TAF6: variants seen among roughly 807,000 people sequenced by gnomAD.
TAF6 encodes the protein TATA-box binding protein associated factor 6.
Under a neutral mutation model 73.5 loss-of-function variants are expected in TAF6, and 50 were observed. The observed-to-expected ratio is 0.68, with a 90% CI of 0.54 to 0.86. The LOEUF is 0.86. Ranked by LOEUF, TAF6 falls within the 40% of genes least tolerant of loss-of-function variation. TAF6 has a pLI of 0.00. For missense variants in TAF6, 768 were observed against 899.5 expected, an observed-to-expected ratio of 0.85 and a Z score of 1.87; for synonymous variants, 424 against 376.7, an observed-to-expected ratio of 1.13 and a Z score of -1.45.
Position 100,113,781 on chromosome 7 carries a change from G to GA in TAF6, c.244-13dup, listed in dbSNP as rs1434683294. 3.1e-6 allele frequency: 5 copies of GA among 1,613,852 alleles called. No homozygotes were observed. Among genetic ancestry groups the GA allele is most frequent in the Non-Finnish European group, 4.2e-6 (5 of 1,179,882 alleles). On this transcript the variant is annotated splice_polypyrimidine_tract_variant and intron_variant, in intron 3 of 14. Coordinates refer to ENST00000453269, the MANE Select transcript of TAF6 (RefSeq NM_139315.3). Reference sequence around the variant, plus strand: ...AAGCCATAGAGTGGCTGTGGCAGGAGAGAGGGGCATGGGTAAGAAGGGAGC... The same window carrying GA: ...AAGCCATAGAGTGGCTGTGGCAGGAGAAGAGGGGCATGGGTAAGAAGGGAGC...
intron 2 of TAF6, 46 bp from the exon 3 acceptor site, chr7:100,114,000 G>T: frequency 6.2e-7 from 1 of 1,614,090 alleles, no homozygotes. Flanking sequence ...TCCTAAGGAC[G>T]GGGCCCTGGG....
At chr7:100,126,484 C>G in the TAF6 span, among the ~76,000 whole-genome samples, 1 of 152,108 alleles carries the variant, frequency 6.6e-6, no homozygotes, top group Admixed American at 6.5e-5. Flanking sequence ...GCCTGGGCGA[C>G]AGGGCGAGAC....
In TAF6 at chr7:100,109,858, G is replaced by C. The variant is rs1797002007; in HGVS notation, c.1284+90C>G. 7.1e-6 allele frequency: 11 copies of C among 1,550,984 alleles called. No individual in the cohort carries two copies. The South Asian group carries it at 1.3e-4, about 19-fold the overall frequency. On this transcript the variant is annotated intron_variant, in intron 12 of 14. Coordinates refer to ENST00000453269, the MANE Select transcript of TAF6 (RefSeq NM_139315.3). ...ATGTCCTCTGAAAACATGAGGCAAA[G>C]ATGGGAGTAAGTGAATAAAATATGC...
At chr7:100,119,606 G>C (rs996525387), upstream of TAF6, 7 of 1,554,306 alleles carry the variant, frequency 4.5e-6, no homozygotes, top group Non-Finnish European at 6.1e-6. Flanking sequence ...CCCCACCCTT[G>C]TTGGGCTGAT....
In TAF6 at chr7:100,108,139, G is replaced by A. The variant is rs1554383985; in HGVS notation, c.1459-16C>T. 3.8e-6 allele frequency: 6 copies of A among 1,581,384 alleles called. No homozygotes were observed. The East Asian group carries it at 1.1e-4, about 30-fold the overall frequency. On this transcript the variant is annotated splice_polypyrimidine_tract_variant and intron_variant, in intron 13 of 14. Coordinates refer to ENST00000453269, the MANE Select transcript of TAF6 (RefSeq NM_139315.3). ...TGGGCCGGGGCTGCGGGGAGAAGAG[G>A]AAAGGGGGAAGTGGCACCATCTACT...
chr7:100,115,516 G>A (rs1490133754), intron 1 of TAF6: 1 of 152,176 alleles, frequency 6.6e-6, no homozygotes, highest in African/African-American at 2.4e-5. Flanking sequence ...ACAAAAATTA[G>A]CTGGGCATGG....
chr7:100,114,486 G>A (rs1797511813), intron 1 of TAF6: 5 of 610,788 alleles, frequency 8.2e-6, no homozygotes, highest in African/African-American at 5.5e-5. Flanking sequence ...TTGGGAGGAC[G>A]AGGCGGGCGG....
upstream of TAF6, chr7:100,119,635 T>G: frequency 1.1e-5 from 18 of 1,600,740 alleles, no homozygotes; most frequent in Non-Finnish European, 1.5e-5. Flanking sequence ...TGCGCCGACC[T>G]TCCTCGGCTG....
intron 10 of TAF6, 32 bp from the exon 11 acceptor site, chr7:100,110,306 G>A: frequency 1.2e-6 from 2 of 1,611,142 alleles, no homozygotes; most frequent in Non-Finnish European, 1.7e-6. Flanking sequence ...CTAAGATGAA[G>A]GGGTCTGAAA....
In TAF6 at chr7:100,117,236, C is replaced by A. The variant is rs562181347; in HGVS notation, c.-60+1968G>T. Among the ~76,000 whole-genome samples the A allele has an allele frequency of 1.6e-3, 249 of 151,252 alleles. 2 individuals carry two copies. Among genetic ancestry groups the A allele is most frequent in the African/African-American group, 5.8e-3 (239 of 41,256 alleles). On this transcript the variant is annotated intron_variant, in intron 1 of 14. Coordinates refer to ENST00000453269, the MANE Select transcript of TAF6 (RefSeq NM_139315.3). ...ACTCCAGCCTGGCAACAGAGTGAGA[C>A]CCCGTCTCCGTCCACCATCTAGACA...
intron 4 of TAF6, 86 bp downstream of exon 4, chr7:100,113,530 T>A (rs1295028629): frequency 1.3e-6 from 2 of 1,555,190 alleles, no homozygotes; most frequent in Non-Finnish European, 1.7e-6. Context: ...ACACTGAGCT[T>A]TTCTTCTATT....
In TAF6 at chr7:100,119,319, C is replaced by G; in HGVS notation, c.-175G>C. 9.7e-7 allele frequency: 1 copy of G among 1,032,444 alleles called. No individual in the cohort carries two copies. The highest frequency in any genetic ancestry group is 1.2e-6 in the Non-Finnish European group (1 of 857,972). The allele number at this position is 1,032,444 out of a possible 1,614,324, so 64.0% of individuals were successfully genotyped here. A position where few individuals can be genotyped will look rare whatever the true frequency, so the allele number is the denominator to read the frequency against. ...AGGAAAACTCTAGCGGCAGCCGAGA[C>G]GCTGCTCACCCGGCGCTCGGCGCCA... On this transcript the variant is annotated 5_prime_UTR_variant, in exon 1 of 15. Transcript: ENST00000453269.
chr7:100,117,402 G>A (rs1403807595), intron 1 of TAF6, among the ~76,000 whole-genome samples: 1 of 151,014 alleles, frequency 6.6e-6, no homozygotes, highest in Admixed American at 6.6e-5. Flanking sequence ...CTCCTGCGTA[G>A]CTGGGATTAC....
At chr7:100,119,577 G>A (rs1353074509), upstream of TAF6, 2 of 1,453,216 alleles carry the variant, frequency 1.4e-6, no homozygotes, top group Admixed American at 2.7e-5. Context: ...CGGAGGCAGG[G>A]AAACCCGTAG....
At position 100,107,482 on chromosome 7, in the gene TAF6, G is replaced by C; in HGVS notation, c.1798C>G (p.Pro600Ala). ...TAPPSTAPSG[P>A]GSVQKYIVVS... ...ACGATGTACTTCTGGACACTCCCAG[G>C]ACCAGAGGGAGCAGTGCTGGGGGGT... The change falls in exon 15 of 15, where the codon CCT becomes GCT. Residue 600 changes from proline to alanine, a missense_variant. Pro to Ala is a conservative substitution (Grantham distance 27). Coordinates refer to ENST00000453269, the MANE Select transcript of TAF6 (RefSeq NM_139315.3). 1 of 1,614,056 alleles carries C rather than the reference G, an allele frequency of 6.2e-7. No individual in the cohort carries two copies. Among genetic ancestry groups the C allele is most frequent in the African/African-American group, 1.3e-5 (1 of 75,070 alleles).
chr7:100,119,642 G>T, upstream of TAF6: 1 of 1,603,392 alleles, frequency 6.2e-7, no homozygotes, highest in Non-Finnish European at 8.5e-7. Flanking sequence ...ACCTTCCTCG[G>T]CTGGATTTAA....
intron 1 of TAF6, chr7:100,118,333 TAGAG>T (rs928500226): frequency 5.8e-5 from 8 of 138,798 alleles, no homozygotes; most frequent in African/African-American, 2.2e-4. Flanking sequence ...GCCTGGGCGA[TAGAG>T]AGAGACTCCA....
intron 1 of TAF6, among the ~76,000 whole-genome samples, chr7:100,118,045 C>CAAA (rs749816135): frequency 1.4e-4 from 11 of 81,122 alleles, no homozygotes; most frequent in South Asian, 4.2e-4. Context: ...GACTCTGTCT[C>CAAA]AAAAAAAAAA....
chr7:100,124,666 C>T, upstream of TAF6: 3 of 1,610,788 alleles, frequency 1.9e-6, no homozygotes, highest in Non-Finnish European at 2.5e-6. Flanking sequence ...TCCTGCCAAG[C>T]CATAGCCTCC....
Sources: gnomAD v4.1 joint callset for allele counts (sites outside exome capture counted in the v4.1 genomes callset) on GRCh38, gnomAD v4.1.1 for gene constraint, MANE v1.5 for transcripts, NCBI Gene and HGNC (gene_info 2026-07-23, HGNC 2026-07-21) for gene names.